Variants in CLSTN2 observed in about 807,000 individuals in gnomAD.
CLSTN2 encodes the protein calsyntenin 2.
Under a neutral mutation model 101.2 loss-of-function variants are expected in CLSTN2, and 48 were observed. That is an observed-to-expected ratio of 0.47 (90% CI 0.38 to 0.60). The LOEUF is 0.60. Among genes scored for constraint, CLSTN2 ranks in the 20% least tolerant of loss-of-function variants. CLSTN2 has a pLI of 0.00. For missense variants in CLSTN2, 1,160 were observed against 1,238.2 expected (o/e 0.94, Z 0.95); for synonymous variants, 481 against 463.6 (o/e 1.04, Z -0.48).
intron 1 of CLSTN2, among the ~76,000 whole-genome samples, chr3:140,170,049 G>T (rs2107824883): frequency 6.6e-6 from 1 of 152,194 alleles, no homozygotes; most frequent in East Asian, 1.9e-4. Flanking sequence ...GAATAAAAAG[G>T]CAATAATCAT....
At chr3:139,952,645 G>A (rs916652921) in intron 1 of CLSTN2, among the ~76,000 whole-genome samples, 1 of 152,116 alleles carries the variant, frequency 6.6e-6, no homozygotes, top group Non-Finnish European at 1.5e-5. Context: ...AAAAAAATTG[G>A]GGGAGCAAAA....
chr3:140,154,951 A>G (rs369704817), intron 1 of CLSTN2, among the ~76,000 whole-genome samples: 2 of 152,162 alleles, frequency 1.3e-5, no homozygotes, highest in East Asian at 3.9e-4. Context: ...CTCACTCAGT[A>G]TGATGAGAAC....
At chr3:139,962,317 G>A (rs530307994) in intron 1 of CLSTN2, among the ~76,000 whole-genome samples, 2 of 152,216 alleles carry the variant, frequency 1.3e-5, no homozygotes, top group African/African-American at 4.8e-5. Context: ...GAAAGTATAT[G>A]ATCTGATAAC....
At chr3:140,520,881 CTGTCT>C (rs1935009339) in intron 8 of CLSTN2, among the ~76,000 whole-genome samples, 1 of 152,014 alleles carries the variant, frequency 6.6e-6, no homozygotes, top group African/African-American at 2.4e-5. Flanking sequence ...TCTTGTCTGC[CTGTCT>C]TATTTCAGAA....
intron 1 of CLSTN2, among the ~76,000 whole-genome samples, chr3:140,163,269 A>G (rs1437955088): frequency 6.6e-6 from 1 of 152,136 alleles, no homozygotes; most frequent in African/African-American, 2.4e-5. Flanking sequence ...GACAGCAAAA[A>G]CTGTCATTTC....
intron 1 of CLSTN2, among the ~76,000 whole-genome samples, chr3:140,081,736 G>A (rs1049304035): frequency 2.6e-5 from 4 of 152,136 alleles, no homozygotes; most frequent in East Asian, 3.9e-4. Flanking sequence ...TCTGTCCAGA[G>A]CAAGGGTTAG....
At chr3:140,269,910 T>A (rs2086726785) in intron 2 of CLSTN2, among the ~76,000 whole-genome samples, 1 of 151,980 alleles carries the variant, frequency 6.6e-6, no homozygotes, top group Non-Finnish European at 1.5e-5. Context: ...ACTACACTTA[T>A]CTCAGAGAGG....
chr3:140,203,164 A>G (rs937865208), intron 2 of CLSTN2, among the ~76,000 whole-genome samples: 6 of 152,178 alleles, frequency 3.9e-5, no homozygotes, highest in African/African-American at 1.2e-4. Context: ...TTACAGCCTT[A>G]AGTGTACTCT....
At chr3:140,301,700 A>G (rs890271337) in intron 2 of CLSTN2, among the ~76,000 whole-genome samples, 5 of 152,232 alleles carry the variant, frequency 3.3e-5, no homozygotes, top group African/African-American at 1.2e-4. Flanking sequence ...AAGAATCTCA[A>G]GGACTTACAG....
chr3:140,480,395 G>A (rs985643221), intron 8 of CLSTN2, among the ~76,000 whole-genome samples: 25 of 152,132 alleles, frequency 1.6e-4, no homozygotes, highest in African/African-American at 4.8e-4. Context: ...GAATAGTGCC[G>A]CAATAAACAT....
At chr3:140,200,046 C>T (rs570131080) in intron 2 of CLSTN2, among the ~76,000 whole-genome samples, 1 of 152,284 alleles carries the variant, frequency 6.6e-6, no homozygotes, top group East Asian at 1.9e-4. Context: ...CCTACAAGGC[C>T]TTTAGTCCAG....
intron 2 of CLSTN2, among the ~76,000 whole-genome samples, chr3:140,278,236 G>T (rs569423576): frequency 6.6e-6 from 1 of 152,188 alleles, no homozygotes; most frequent in Non-Finnish European, 1.5e-5. Context: ...AAGAAGTAGG[G>T]CCAGAACCAG....
intron 2 of CLSTN2, among the ~76,000 whole-genome samples, chr3:140,294,656 C>T (rs1333114109): frequency 6.6e-6 from 1 of 151,872 alleles, no homozygotes; most frequent in African/African-American, 2.4e-5. Context: ...GTGTATCAAA[C>T]CCCTGCCATC....
intron 8 of CLSTN2, among the ~76,000 whole-genome samples, chr3:140,520,735 A>T (rs1318478971): frequency 1.3e-5 from 2 of 152,104 alleles, no homozygotes; most frequent in Non-Finnish European, 2.9e-5. Flanking sequence ...GAAGTTCTGG[A>T]TGATATCCTC....
chr3:140,459,388 G>A (rs1257260234), intron 6 of CLSTN2, 133 bp from the exon 7 acceptor site: 6 of 1,007,542 alleles, frequency 6.0e-6, no homozygotes, highest in African/African-American at 3.2e-5. Context: ...CTTTTCCTAA[G>A]TCACATAGCT....
chr3:140,059,389 G>T (rs776686595), intron 1 of CLSTN2, among the ~76,000 whole-genome samples: 22 of 152,202 alleles, frequency 1.4e-4, no homozygotes, highest in Non-Finnish European at 2.6e-4. Context: ...ATAAATGTGT[G>T]TTCAATGTGG....
At chr3:140,272,738 C>T (rs904097699) in intron 2 of CLSTN2, among the ~76,000 whole-genome samples, 1 of 152,090 alleles carries the variant, frequency 6.6e-6, no homozygotes, top group African/African-American at 2.4e-5. Context: ...GGTGACAGAG[C>T]AAGACCCTGT....
intron 2 of CLSTN2, among the ~76,000 whole-genome samples, chr3:140,273,911 T>G (rs2086768201): frequency 6.6e-6 from 1 of 152,196 alleles, no homozygotes; most frequent in Non-Finnish European, 1.5e-5. Flanking sequence ...GGGACAGGAC[T>G]GGAGCAGCTC....
chr3:140,390,007 T>C (rs947280905), intron 2 of CLSTN2, among the ~76,000 whole-genome samples: 2 of 152,144 alleles, frequency 1.3e-5, no homozygotes, highest in Non-Finnish European at 2.9e-5. Context: ...TTATGTATGA[T>C]TAATGTTATT....
Sources: gnomAD v4.1 joint callset for allele counts (sites outside exome capture counted in the v4.1 genomes callset) on GRCh38, gnomAD v4.1.1 for gene constraint, MANE v1.5 for transcripts, NCBI Gene and HGNC (gene_info 2026-07-23, HGNC 2026-07-21) for gene names.